Variants in KIRREL1 observed in about 807,000 individuals in gnomAD.
KIRREL1 encodes the protein kirre like nephrin family adhesion molecule 1.
In KIRREL1, 25 loss-of-function variants were observed where a neutral mutation model predicts 83.3. The observed-to-expected ratio is 0.30, with a 90% CI of 0.22 to 0.42. The LOEUF (loss-of-function observed/expected upper bound fraction) is 0.42, where lower values mean the gene tolerates loss of function less well. Ranked by LOEUF, KIRREL1 falls within the 10% of genes least tolerant of loss-of-function variation. KIRREL1 has a pLI of 1.00. For missense variants in KIRREL1, 812 were observed against 1,032.3 expected (o/e 0.79, Z 2.92); for synonymous variants, 388 against 410.4 (o/e 0.95, Z 0.66).
At chr1:158,033,667 C>T (rs1276301388) in intron 1 of KIRREL1, among the ~76,000 whole-genome samples, 1 of 152,170 alleles carries the variant, frequency 6.6e-6, no homozygotes, top group Non-Finnish European at 1.5e-5. Context: ...TATCATGGAG[C>T]TAACATTTCA....
intron 1 of KIRREL1, among the ~76,000 whole-genome samples, chr1:158,029,326 G>C (rs1419043591): frequency 1.5e-5 from 1 of 64,630 alleles, no homozygotes; most frequent in Non-Finnish European, 3.9e-5. Context: ...CCCTATTGCT[G>C]TAACAAAAAC....
At chr1:158,068,589 G>A (rs1661419495) in intron 1 of KIRREL1, among the ~76,000 whole-genome samples, 1 of 152,136 alleles carries the variant, frequency 6.6e-6, no homozygotes, top group African/African-American at 2.4e-5. Context: ...TCCTCACCCT[G>A]CCCAGCCCCA....
At chr1:158,075,408 C>A (rs1661649799) in intron 1 of KIRREL1, among the ~76,000 whole-genome samples, 1 of 152,188 alleles carries the variant, frequency 6.6e-6, no homozygotes, top group Non-Finnish European at 1.5e-5. Flanking sequence ...TGTGTACACA[C>A]TTAGGCCCCC....
chr1:158,089,449 C>T (rs770007793), intron 8 of KIRREL1, 53 bp from the exon 9 acceptor site: 6 of 1,610,598 alleles, frequency 3.7e-6, no homozygotes, highest in South Asian at 1.1e-5. Flanking sequence ...CCCTCATGGA[C>T]CTAGGGGCCC....
chr1:157,993,873 C>T (rs971204846), intron 1 of KIRREL1, 145 bp downstream of exon 1: 8 of 480,948 alleles, frequency 1.7e-5, no homozygotes. Flanking sequence ...TCGGTCCGGG[C>T]GCAGAGCCCT....
At chr1:157,998,038 C>CT (rs1057366935) in intron 1 of KIRREL1, among the ~76,000 whole-genome samples, 4 of 151,918 alleles carry the variant, frequency 2.6e-5, no homozygotes, top group African/African-American at 4.8e-5. Context: ...GGCTAATTTT[C>CT]TTTTTTTTCT....
At chr1:158,031,124 C>T (rs541553202) in intron 1 of KIRREL1, 2 of 152,264 alleles carry the variant, frequency 1.3e-5, no homozygotes, top group African/African-American at 4.8e-5. Context: ...ATCATCGGAA[C>T]AGGGATATTA....
At chr1:158,046,894 A>G (rs1054092483) in intron 1 of KIRREL1, among the ~76,000 whole-genome samples, 2 of 152,254 alleles carry the variant, frequency 1.3e-5, no homozygotes, top group Admixed American at 1.3e-4. Context: ...AAAGGAGAGC[A>G]GAGCATGGAG....
At chr1:158,036,666 C>T (rs897860593) in intron 1 of KIRREL1, among the ~76,000 whole-genome samples, 9 of 152,190 alleles carry the variant, frequency 5.9e-5, no homozygotes, top group African/African-American at 1.7e-4. Flanking sequence ...CCATGGACCG[C>T]GATGCTTGGT....
intron 6 of KIRREL1, 40 bp from the exon 7 acceptor site, chr1:158,087,966 C>G: frequency 6.2e-7 from 1 of 1,613,158 alleles, no homozygotes; most frequent in Non-Finnish European, 8.5e-7. Flanking sequence ...TTGAGAGGGT[C>G]TGAGGCCTGA....
intron 1 of KIRREL1, among the ~76,000 whole-genome samples, chr1:158,027,319 G>A (rs1660201814): frequency 6.6e-6 from 1 of 152,184 alleles, no homozygotes; most frequent in Non-Finnish European, 1.5e-5. Flanking sequence ...CCTTCTCTGG[G>A]CGTGCTACCC....
intron 1 of KIRREL1, among the ~76,000 whole-genome samples, chr1:158,050,772 C>G (rs1206142776): frequency 6.6e-6 from 1 of 152,088 alleles, no homozygotes; most frequent in Non-Finnish European, 1.5e-5. Context: ...CTTCATCTCT[C>G]TGGGCCTCAG....
rs1281322863 is a variant in KIRREL1 at position 158,093,662 on chromosome 1, T to C, written c.1619T>C (p.Val540Ala). ...ACCCTGAGGAAGCTGGATATCAAGG[T>C]GGAGACAGTGAACCGAGAGCCACTT... ...DVTLRKLDIK[V>A]ETVNREPLTM... The change falls in exon 13 of 15, where the codon GTG (valine) becomes GCG (alanine). Residue 540 changes from valine to alanine, a missense_variant. Physicochemically the swap from Val to Ala is moderately conservative, Grantham distance 64. Around this residue, in one of 3 missense-constraint regions of KIRREL1, gnomAD observed 334 missense variants for 383.7 expected, o/e 0.87. Transcript: ENST00000359209. The C allele has an allele frequency of 2.5e-5, 41 of 1,613,990 alleles. No individual in the cohort carries two copies. Among genetic ancestry groups the C allele is most frequent in the Non-Finnish European group, 3.5e-5 (41 of 1,180,014 alleles).
chr1:158,002,909 C>A (rs1017130032), intron 1 of KIRREL1, among the ~76,000 whole-genome samples: 1 of 152,058 alleles, frequency 6.6e-6, no homozygotes, highest in Non-Finnish European at 1.5e-5. Context: ...TGGTCCCTCC[C>A]AAGGATTATG....
At chr1:158,014,900 G>A (rs890684825) in intron 1 of KIRREL1, among the ~76,000 whole-genome samples, 1 of 151,886 alleles carries the variant, frequency 6.6e-6, no homozygotes, top group Non-Finnish European at 1.5e-5. Context: ...TCCTCCTTCC[G>A]GTGCTTTACT....
intron 10 of KIRREL1, among the ~76,000 whole-genome samples, chr1:158,090,918 G>T (rs1203974909): frequency 2.0e-5 from 3 of 152,182 alleles, no homozygotes; most frequent in Non-Finnish European, 4.4e-5. Context: ...GGGGCTTGAT[G>T]GGGAGAGGAG....
chr1:158,081,524 G>A (rs1343612913), intron 3 of KIRREL1, among the ~76,000 whole-genome samples: 4 of 152,130 alleles, frequency 2.6e-5, no homozygotes, highest in Non-Finnish European at 5.9e-5. Flanking sequence ...TAAACAAGGA[G>A]ACTGAGGCTT....
chr1:158,041,262 T>A (rs1389612446), intron 1 of KIRREL1, among the ~76,000 whole-genome samples: 1 of 152,200 alleles, frequency 6.6e-6, no homozygotes, highest in Non-Finnish European at 1.5e-5. Context: ...CACTCATTTA[T>A]CCGCATAGGT....
In KIRREL1 at chr1:158,068,492, C is replaced by T. The variant is rs766212926; in HGVS notation, c.53-7621C>T. Among the ~76,000 whole-genome samples the T allele has an allele frequency of 5.9e-5, 9 of 152,204 alleles. No homozygotes were observed. The South Asian group carries it at 6.2e-4, about 10-fold the overall frequency. On this transcript the variant is annotated intron_variant, in intron 1 of 14. Coordinates refer to ENST00000359209, the MANE Select transcript of KIRREL1 (RefSeq NM_018240.7). Reference sequence around the variant, plus strand: ...AATCAACAGACCCAGACCCCTCATCCGCAGTAGCTGGGCAGGCACAGAGCT... The same window carrying T: ...AATCAACAGACCCAGACCCCTCATCTGCAGTAGCTGGGCAGGCACAGAGCT...
Sources: gnomAD v4.1 joint callset for allele counts (sites outside exome capture counted in the v4.1 genomes callset) on GRCh38, gnomAD v4.1.1 for gene constraint, gnomAD v4.1.1 regional missense constraint, MANE v1.5 for transcripts, NCBI Gene and HGNC (gene_info 2026-07-23, HGNC 2026-07-21) for gene names.